The following SLIT1 variants were observed in gnomAD, a reference collection of about 807,000 sequenced individuals.
SLIT1 encodes the protein slit homolog 1 protein.
Under a neutral mutation model 186.1 loss-of-function variants are expected in SLIT1, and 66 were observed. That is an observed-to-expected ratio of 0.35 (90% CI 0.29 to 0.44). The LOEUF is 0.44. Among genes scored for constraint, SLIT1 ranks in the 20% least tolerant of loss-of-function variants. The pLI is 1.00. For synonymous variants in SLIT1, 761 were observed against 833.8 expected (o/e 0.91, Z 1.50); for missense variants, 1,638 against 2,037.4 (o/e 0.80, Z 3.77).
chr10:97,019,164 C>A, intron 26 of SLIT1, 57 bp from the exon 27 acceptor site: 1 of 1,134,300 alleles, frequency 8.8e-7, no homozygotes. Flanking sequence ...CAGGGCTGGG[C>A]ACAGAGCACC....
In SLIT1 at chr10:97,107,453, G is replaced by A. The variant is rs577266668; in HGVS notation, c.414-41367C>T. The stretch of plus-strand genomic sequence containing the variant: ...GCCTCCCCTTCTCCCCAGAAACCTC[G>A]CATCTTAACTGCATCACACGAGACC... On this transcript the variant is annotated intron_variant, in intron 4 of 36. Transcript: ENST00000266058. 3.3e-5 allele frequency among the ~76,000 whole-genome samples: 5 copies of A among 152,128 alleles called. No individual in the cohort carries two copies. The South Asian group carries it at 6.2e-4, about 19-fold the overall frequency.
chr10:97,079,029 T>C (rs1264788999), intron 4 of SLIT1, among the ~76,000 whole-genome samples: 1 of 152,164 alleles, frequency 6.6e-6, no homozygotes, highest in African/African-American at 2.4e-5. Flanking sequence ...GAAAAGGACA[T>C]GAGCTTTGGA....
chr10:97,148,112 A>T (rs1237072908), intron 4 of SLIT1, among the ~76,000 whole-genome samples: 1 of 152,238 alleles, frequency 6.6e-6, no homozygotes, highest in Non-Finnish European at 1.5e-5. Context: ...TAGCTATGCA[A>T]CCAATTTACT....
chr10:97,163,861 G>A (rs1850065869), intron 2 of SLIT1, among the ~76,000 whole-genome samples: 1 of 152,246 alleles, frequency 6.6e-6, no homozygotes. Context: ...GGCCTCTTTG[G>A]GCCCTGAAGG....
At chr10:97,051,077 C>A (rs1340068380) in intron 13 of SLIT1, among the ~76,000 whole-genome samples, 1 of 152,172 alleles carries the variant, frequency 6.6e-6, no homozygotes, top group Non-Finnish European at 1.5e-5. Flanking sequence ...CTGAACAGTT[C>A]TGGCAGTGGA....
chr10:97,178,038 A>T (rs891770824), intron 1 of SLIT1, among the ~76,000 whole-genome samples: 1 of 152,188 alleles, frequency 6.6e-6, no homozygotes. Context: ...GTTCTTTCTT[A>T]GAGTAGAAAG....
chr10:97,031,254 T>C (rs1848588316), intron 24 of SLIT1, among the ~76,000 whole-genome samples: 1 of 152,118 alleles, frequency 6.6e-6, no homozygotes, highest in South Asian at 2.1e-4. Context: ...GGCAAAAACC[T>C]CACAGTGAGA....
At chr10:97,047,548 G>C (rs947150497) in intron 16 of SLIT1, 142 bp downstream of exon 16, 1 of 816,258 alleles carries the variant, frequency 1.2e-6, no homozygotes, top group Non-Finnish European at 2.0e-6. Flanking sequence ...TCCTGCCCAA[G>C]CCAGCAGTTG....
At chr10:97,066,214 A>G (rs1848944530) in intron 4 of SLIT1, 128 bp from the exon 5 acceptor site, 1 of 718,402 alleles carries the variant, frequency 1.4e-6, no homozygotes. Context: ...GCTGCACCCC[A>G]GCACCTAGGA....
In SLIT1 at chr10:97,021,534, G is replaced by A; in HGVS notation, c.2583-121C>T. ...AAAAATCTTAGCCTCCATTTCATGA[G>A]CATTTACTGTATAGTCAGTGCTGCT... On this transcript the variant is annotated intron_variant, in intron 25 of 36. Coordinates refer to ENST00000266058, the MANE Select transcript of SLIT1 (RefSeq NM_003061.3). The surrounding 1 kb of genome is among the most constrained non-coding windows in gnomAD (Gnocchi z 4.5). The A allele has an allele frequency of 1.2e-6, 1 of 803,548 alleles. No individual in the cohort carries two copies. The highest frequency in any genetic ancestry group is 1.9e-6 in the Non-Finnish European group (1 of 513,724). The allele number at this position is 803,548 out of a possible 1,614,324, so 49.8% of individuals were successfully genotyped here.
At chr10:97,148,376 A>G (rs527812600) in intron 4 of SLIT1, among the ~76,000 whole-genome samples, 1 of 151,464 alleles carries the variant, frequency 6.6e-6, no homozygotes, top group Admixed American at 6.6e-5. Flanking sequence ...ATAACCTCAA[A>G]CTCCTGGGCT....
At chr10:97,176,858 C>T (rs1242477680) in intron 1 of SLIT1, among the ~76,000 whole-genome samples, 1 of 152,176 alleles carries the variant, frequency 6.6e-6, no homozygotes, top group African/African-American at 2.4e-5. Context: ...GAGTTCCTCC[C>T]GCCTCTCCAC....
At chr10:97,047,628 G>C (rs1198694991) in intron 16 of SLIT1, 62 bp downstream of exon 16, 1 of 1,522,550 alleles carries the variant, frequency 6.6e-7, no homozygotes, top group African/African-American at 1.4e-5. Context: ...TCCTGGAGTA[G>C]GCCAAGGAGG....
chr10:97,145,075 G>A (rs1412507651), intron 4 of SLIT1, among the ~76,000 whole-genome samples: 2 of 152,100 alleles, frequency 1.3e-5, no homozygotes, highest in Non-Finnish European at 2.9e-5. Context: ...CTCCTGGGCT[G>A]GGGTGGTATG....
At chr10:97,046,444 G>A (rs1169011468) in intron 18 of SLIT1, among the ~76,000 whole-genome samples, 1 of 152,218 alleles carries the variant, frequency 6.6e-6, no homozygotes, top group African/African-American at 2.4e-5. Flanking sequence ...CTGGGCATTG[G>A]CCCCATGCCC....
At chr10:97,095,889 C>G (rs1849283632) in intron 4 of SLIT1, among the ~76,000 whole-genome samples, 1 of 152,312 alleles carries the variant, frequency 6.6e-6, no homozygotes, top group Non-Finnish European at 1.5e-5. Context: ...ACACAAATCC[C>G]CTGGGGACTT....
At chr10:97,137,350 G>A (rs1849712333) in intron 4 of SLIT1, among the ~76,000 whole-genome samples, 1 of 152,012 alleles carries the variant, frequency 6.6e-6, no homozygotes, top group Admixed American at 6.6e-5. Context: ...CTTTGTTTGG[G>A]GGGAAAAATA....
intron 18 of SLIT1, among the ~76,000 whole-genome samples, chr10:97,045,592 T>G (rs996989314): frequency 5.3e-5 from 8 of 152,170 alleles, no homozygotes; most frequent in Non-Finnish European, 1.2e-4. Flanking sequence ...TTGGAAAGAA[T>G]GCAGCTGACT....
At chr10:97,014,652 A>T (rs1406993647) in intron 28 of SLIT1, among the ~76,000 whole-genome samples, 1 of 152,178 alleles carries the variant, frequency 6.6e-6, no homozygotes, top group East Asian at 1.9e-4. Flanking sequence ...GGATCACCTG[A>T]GGTCAGGAGT....
Sources: allele counts gnomAD v4.1 joint callset (sites outside exome capture counted in the v4.1 genomes callset), GRCh38; gene constraint gnomAD v4.1.1; non-coding constraint Gnocchi (gnomAD v3.1); transcripts MANE v1.5; gene names NCBI Gene and HGNC (gene_info 2026-07-23, HGNC 2026-07-21).